The following CSMD1 variants were observed in gnomAD, a reference collection of about 807,000 sequenced individuals.
CSMD1 encodes the protein CUB and sushi domain-containing protein 1.
In CSMD1, 213 loss-of-function variants were observed where a neutral mutation model predicts 417.5. That is an observed-to-expected ratio of 0.51 (90% CI 0.46 to 0.57). The LOEUF (loss-of-function observed/expected upper bound fraction) is 0.57, where lower values mean the gene tolerates loss of function less well. Ranked by LOEUF, CSMD1 falls within the 20% of genes least tolerant of loss-of-function variation. The probability of loss-of-function intolerance (pLI) is 0.00; values close to 1 mark genes in which losing one functional copy is unlikely to be tolerated. For missense variants in CSMD1, 6,923 were observed against 4,529.7 expected (o/e 1.53, Z -15.17); for synonymous variants, 2,862 against 1,736.8 (o/e 1.65, Z -16.11).
At chr8:3,565,723 T>C (rs188191958) in intron 10 of CSMD1, among the ~76,000 whole-genome samples, 23 of 152,346 alleles carry the variant, frequency 1.5e-4, no homozygotes, top group African/African-American at 5.5e-4. Context: ...CAAATTTTTC[T>C]TATTTACTAG....
chr8:3,974,742 T>C (rs1284808687), intron 5 of CSMD1, among the ~76,000 whole-genome samples: 2 of 152,012 alleles, frequency 1.3e-5, no homozygotes, highest in Non-Finnish European at 2.9e-5. Context: ...AAAACTAAAT[T>C]TTGGTATACT....
At chr8:4,420,114 C>CAA (rs35020621) in intron 2 of CSMD1, 49 bp from the exon 3 acceptor site, 64 of 1,330,844 alleles carry the variant, frequency 4.8e-5, no homozygotes, top group African/African-American at 2.4e-4. Flanking sequence ...ATGAATTTGT[C>CAA]AAAAAAAGCT....
intron 10 of CSMD1, among the ~76,000 whole-genome samples, chr8:3,568,629 T>C (rs1050238626): frequency 1.3e-5 from 2 of 152,146 alleles, no homozygotes. Context: ...ATTTGAGAGC[T>C]ATATAACAGA....
intron 4 of CSMD1, among the ~76,000 whole-genome samples, chr8:4,017,569 G>C (rs923915244): frequency 6.6e-6 from 1 of 152,164 alleles, no homozygotes; most frequent in African/African-American, 2.4e-5. Flanking sequence ...GTCTCCCAAA[G>C]TGCTGGAATT....
intron 3 of CSMD1, among the ~76,000 whole-genome samples, chr8:4,219,582 C>G (rs1364201225): frequency 6.6e-6 from 1 of 152,030 alleles, no homozygotes; most frequent in South Asian, 2.1e-4. Context: ...AATTATTGGT[C>G]TCAATTTCTA....
intron 10 of CSMD1, among the ~76,000 whole-genome samples, chr8:3,560,221 G>T (rs77860623): frequency 6.6e-6 from 1 of 152,072 alleles, no homozygotes. Context: ...GTCCAAAGAA[G>T]AAATTATATT....
At chr8:3,608,361 T>A (rs911743308) in intron 8 of CSMD1, among the ~76,000 whole-genome samples, 4 of 152,054 alleles carry the variant, frequency 2.6e-5, no homozygotes, top group African/African-American at 9.7e-5. Flanking sequence ...AAAAGGGACA[T>A]GGAAGCAGTT....
At chr8:4,146,524 T>A (rs1377117756) in intron 3 of CSMD1, among the ~76,000 whole-genome samples, 1 of 148,954 alleles carries the variant, frequency 6.7e-6, no homozygotes, top group Non-Finnish European at 1.5e-5. Context: ...GTGTGTGTTC[T>A]CTGGTTAAAA....
chr8:3,829,101 G>A (rs2129086662), intron 5 of CSMD1, among the ~76,000 whole-genome samples: 1 of 152,000 alleles, frequency 6.6e-6, no homozygotes, highest in African/African-American at 2.4e-5. Context: ...CTTTAGTGGA[G>A]TTTTATGAGA....
intron 1 of CSMD1, among the ~76,000 whole-genome samples, chr8:4,979,641 G>C (rs529999423): frequency 3.9e-5 from 6 of 152,358 alleles, no homozygotes; most frequent in African/African-American, 1.2e-4. Context: ...AATTGGAGCA[G>C]TCCTCACAAA....
At position 2,962,090 on chromosome 8, in the gene CSMD1, C is replaced by G. The variant is rs370010650; in HGVS notation, c.9628+376G>C. ...AAATTAACCCAGCGATAAAACTTGA[C>G]TCTGCAGCAATAAAACAACAGCAAG... On this transcript the variant is annotated intron_variant, in intron 61 of 69. Coordinates refer to ENST00000635120, the MANE Select transcript of CSMD1 (RefSeq NM_033225.6). 5.9e-5 allele frequency among the ~76,000 whole-genome samples: 9 copies of G among 152,260 alleles called. No homozygotes were observed. In the East Asian group the frequency reaches 9.7e-4, roughly 16 times the overall value.
intron 26 of CSMD1, among the ~76,000 whole-genome samples, chr8:3,240,707 G>C (rs536660297): frequency 6.6e-6 from 1 of 152,080 alleles, no homozygotes; most frequent in Non-Finnish European, 1.5e-5. Flanking sequence ...TTGAGATCTA[G>C]AACAGAATAA....
At chr8:3,031,859 ATCTC>A (rs199734325) in intron 50 of CSMD1, among the ~76,000 whole-genome samples, 2 of 108,926 alleles carry the variant, frequency 1.8e-5, no homozygotes, top group Non-Finnish European at 4.1e-5. Flanking sequence ...ATTTGCTCAC[ATCTC>A]TCTTTTTTTT....
At chr8:4,267,814 T>G (rs953198521) in intron 3 of CSMD1, among the ~76,000 whole-genome samples, 3 of 152,118 alleles carry the variant, frequency 2.0e-5, no homozygotes, top group Admixed American at 2.0e-4. Flanking sequence ...ATTGCAGGTG[T>G]GCAAAATATA....
At chr8:3,935,104 T>C (rs144765985) in intron 5 of CSMD1, among the ~76,000 whole-genome samples, 140 of 152,258 alleles carry the variant, frequency 9.2e-4, no homozygotes, top group African/African-American at 3.2e-3. Flanking sequence ...TAAAACAACA[T>C]GCCTTCTCAC....
intron 6 of CSMD1, among the ~76,000 whole-genome samples, chr8:3,740,264 C>T (rs1347400797): frequency 3.9e-5 from 6 of 152,140 alleles, no homozygotes; most frequent in Admixed American, 3.3e-4. Flanking sequence ...TGCCAACATG[C>T]CCAGCGAATT....
At chr8:4,700,790 A>G (rs141218672) in intron 1 of CSMD1, among the ~76,000 whole-genome samples, 1 of 152,340 alleles carries the variant, frequency 6.6e-6, no homozygotes, top group Non-Finnish European at 1.5e-5. Context: ...ATAAAGGGAA[A>G]GGATATTTCT....
At chr8:4,205,801 G>C (rs973396925) in intron 3 of CSMD1, among the ~76,000 whole-genome samples, 6 of 151,918 alleles carry the variant, frequency 3.9e-5, no homozygotes, top group Admixed American at 2.6e-4. Context: ...AGATATTTGT[G>C]GGGGTAAAAA....
chr8:3,495,886 C>G (rs1162375085), intron 10 of CSMD1, among the ~76,000 whole-genome samples: 1 of 152,120 alleles, frequency 6.6e-6, no homozygotes. Flanking sequence ...CTCCATATTT[C>G]TTTTTTTACA....
Sources: allele counts gnomAD v4.1 joint callset (sites outside exome capture counted in the v4.1 genomes callset), GRCh38; gene constraint gnomAD v4.1.1; transcripts MANE v1.5; gene names NCBI Gene and HGNC (gene_info 2026-07-23, HGNC 2026-07-21).